KCNIP4: variants seen among roughly 807,000 people sequenced by gnomAD.
The protein encoded by KCNIP4 is potassium voltage-gated channel interacting protein 4.
Under a neutral mutation model 34.0 loss-of-function variants are expected in KCNIP4, and 12 were observed. The ratio of observed to expected loss-of-function variants is 0.35; its 90% CI spans 0.23 to 0.57. The LOEUF is 0.57. KCNIP4 is among the 20% of genes least tolerant of loss of function. KCNIP4 has a pLI of 0.83. For synonymous variants in KCNIP4, 124 were observed against 102.2 expected, an observed-to-expected ratio of 1.21 and a Z score of -1.29; for missense variants, 238 against 311.7, an observed-to-expected ratio of 0.76 and a Z score of 1.78.
intron 1 of KCNIP4, among the ~76,000 whole-genome samples, chr4:21,141,915 G>C (rs1416417459): frequency 6.6e-6 from 1 of 151,676 alleles, no homozygotes; most frequent in Non-Finnish European, 1.5e-5. Context: ...ACTTTGGGAG[G>C]CCGAGGTGTG....
chr4:21,590,789 G>T (rs2109094800), intron 1 of KCNIP4, among the ~76,000 whole-genome samples: 1 of 151,948 alleles, frequency 6.6e-6, no homozygotes, highest in South Asian at 2.1e-4. Context: ...AACATGTTTG[G>T]ACCAGTGTAT....
At chr4:21,400,523 CTCTTCTCTTCTCTTCTCTT>C (rs1560369265) in intron 1 of KCNIP4, among the ~76,000 whole-genome samples, 34 of 48,382 alleles carry the variant, frequency 7.0e-4, no homozygotes, top group Non-Finnish European at 1.1e-3. Context: ...CTCTTCTCTT[CTCTTCTCTTCTCTTCTCTT>C]CTCTTCTCTT....
chr4:20,732,973 G>A (rs901284305), intron 6 of KCNIP4, among the ~76,000 whole-genome samples, 188 bp from the exon 7 acceptor site: 5 of 152,118 alleles, frequency 3.3e-5, no homozygotes, highest in African/African-American at 9.7e-5. Flanking sequence ...AAGAGCAGAA[G>A]AATCAGAATT....
At chr4:21,663,981 G>A (rs948039361) in intron 1 of KCNIP4, among the ~76,000 whole-genome samples, 4 of 151,992 alleles carry the variant, frequency 2.6e-5, no homozygotes, top group African/African-American at 9.7e-5. Context: ...GTCTTGCTGT[G>A]TTGCCCAGGC....
chr4:21,614,758 C>T (rs1473047768), intron 1 of KCNIP4, among the ~76,000 whole-genome samples: 2 of 151,946 alleles, frequency 1.3e-5, no homozygotes, highest in South Asian at 2.1e-4. Flanking sequence ...TACAGACACG[C>T]ATTTTAAAAC....
intron 1 of KCNIP4, among the ~76,000 whole-genome samples, chr4:21,523,693 T>TCATGAG (rs1473843555): frequency 1.3e-5 from 2 of 152,008 alleles, no homozygotes; most frequent in African/African-American, 4.8e-5. Flanking sequence ...TGCCTCAGCC[T>TCATGAG]CATGAGCATA....
intron 1 of KCNIP4, among the ~76,000 whole-genome samples, chr4:21,338,770 C>G (rs571651665): frequency 3.3e-5 from 5 of 152,038 alleles, no homozygotes; most frequent in African/African-American, 1.2e-4. Context: ...GTTAATCCTT[C>G]GTGGCCCAGA....
intron 1 of KCNIP4, among the ~76,000 whole-genome samples, chr4:21,504,482 AGAAAGAAAG>A: frequency 7.6e-6 from 1 of 131,854 alleles, no homozygotes; most frequent in African/African-American, 3.9e-5. Context: ...AAAAAAAGAA[AGAAAGAAAG>A]AAAGAAAGAA....
chr4:21,814,624 C>T (rs1721881818), intron 1 of KCNIP4, among the ~76,000 whole-genome samples: 1 of 152,134 alleles, frequency 6.6e-6, no homozygotes, highest in Non-Finnish European at 1.5e-5. Context: ...GAGACTAATA[C>T]ACTGACGTAC....
At chr4:20,870,556 G>A (rs188635072) in intron 2 of KCNIP4, among the ~76,000 whole-genome samples, 1 of 152,002 alleles carries the variant, frequency 6.6e-6, no homozygotes, top group African/African-American at 2.4e-5. Context: ...AAAAATCTTT[G>A]TCCCCTAAAT....
chr4:21,594,846 T>C (rs938546364), intron 1 of KCNIP4, among the ~76,000 whole-genome samples: 2 of 143,532 alleles, frequency 1.4e-5, no homozygotes, highest in Non-Finnish European at 3.0e-5. Flanking sequence ...TTCCTTCAAT[T>C]TGGAATATTA....
intron 1 of KCNIP4, among the ~76,000 whole-genome samples, chr4:21,051,539 G>A: frequency 6.6e-6 from 1 of 151,962 alleles, no homozygotes; most frequent in East Asian, 1.9e-4. Context: ...ATAATGTGTG[G>A]GGGTATAGAG....
At chr4:21,664,274 T>C (rs544492538) in intron 1 of KCNIP4, among the ~76,000 whole-genome samples, 4 of 152,248 alleles carry the variant, frequency 2.6e-5, no homozygotes, top group African/African-American at 9.6e-5. Context: ...CTATTGCTAA[T>C]GCTCCTAAAC....
chr4:21,870,475 C>T (rs1479415350), intron 1 of KCNIP4, among the ~76,000 whole-genome samples: 2 of 152,110 alleles, frequency 1.3e-5, no homozygotes, highest in African/African-American at 2.4e-5. Flanking sequence ...ATTTTATATG[C>T]TACTGATACA....
Position 20,769,842 on chromosome 4 carries a change from A to G in KCNIP4, c.289-10952T>C, listed in dbSNP as rs561492598. 3.9e-5 allele frequency among the ~76,000 whole-genome samples: 6 copies of G among 152,228 alleles called. No homozygotes were observed. The East Asian group carries it at 1.2e-3, about 29-fold the overall frequency. On this transcript the variant is annotated intron_variant, in intron 3 of 8. Coordinates refer to ENST00000382152, the MANE Select transcript of KCNIP4 (RefSeq NM_025221.6). ...GGGGCTTCTCTCTCAGCTTCATTCC[A>G]TCTTCAAACCAGCAAAGCAAAGGCC...
At chr4:21,016,119 C>G (rs911960630) in intron 1 of KCNIP4, among the ~76,000 whole-genome samples, 2 of 150,466 alleles carry the variant, frequency 1.3e-5, no homozygotes, top group Non-Finnish European at 3.0e-5. Flanking sequence ...ATGTAATCTT[C>G]ATTTGCACGA....
chr4:21,220,883 A>T (rs781071020), intron 1 of KCNIP4, among the ~76,000 whole-genome samples: 102 of 152,158 alleles, frequency 6.7e-4, no homozygotes, highest in Non-Finnish European at 1.2e-3. Flanking sequence ...CTTGACATTA[A>T]AAAAAAGTCC....
chr4:20,931,414 C>A lies in KCNIP4; in HGVS notation c.62-48705G>T, dbSNP rs566496566. Among the ~76,000 whole-genome samples the A allele has an allele frequency of 3.3e-5, 5 of 152,166 alleles. No homozygotes were observed. In the East Asian group the frequency reaches 9.7e-4, roughly 29 times the overall value. Reference sequence around the variant, plus strand: ...TTTGCTGATTTTGTCATCATGTGAACAACACAGAGTGGACTTACACAAGCC... The same window carrying A: ...TTTGCTGATTTTGTCATCATGTGAAAAACACAGAGTGGACTTACACAAGCC... On this transcript the variant is annotated intron_variant, in intron 1 of 8. Coordinates refer to ENST00000382152, the MANE Select transcript of KCNIP4 (RefSeq NM_025221.6).
intron 1 of KCNIP4, among the ~76,000 whole-genome samples, chr4:20,916,982 T>C (rs1728875596): frequency 4.1e-5 from 1 of 24,680 alleles, no homozygotes; most frequent in East Asian, 1.9e-3. Flanking sequence ...GACCATCTTA[T>C]GTTTATATAT....
Sources: allele counts gnomAD v4.1 joint callset (sites outside exome capture counted in the v4.1 genomes callset), GRCh38; gene constraint gnomAD v4.1.1; transcripts MANE v1.5; gene names NCBI Gene and HGNC (gene_info 2026-07-23, HGNC 2026-07-21).